TMEM161B: variants seen among roughly 807,000 people sequenced by gnomAD.
The protein encoded by TMEM161B is transmembrane protein 161B.
In TMEM161B, 34 loss-of-function variants were observed where a neutral mutation model predicts 61.8. The observed-to-expected ratio is 0.55, with a 90% CI of 0.42 to 0.73. The LOEUF (loss-of-function observed/expected upper bound fraction) is 0.73, where lower values mean the gene tolerates loss of function less well. Among genes scored for constraint, TMEM161B ranks in the 30% least tolerant of loss-of-function variants. TMEM161B has a pLI of 0.00. For synonymous variants in TMEM161B, 167 were observed against 192.8 expected (o/e 0.87, Z 1.11); for missense variants, 456 against 558.5 (o/e 0.82, Z 1.85).
At chr5:88,199,195 T>C (rs778022610) in intron 9 of TMEM161B, 45 bp from the exon 10 acceptor site, 7 of 1,541,068 alleles carry the variant, frequency 4.5e-6, no homozygotes, top group Non-Finnish European at 5.3e-6. Context: ...GACAACAATA[T>C]GCTAGCATGC....
At chr5:88,186,643 A>G (rs1366267970), downstream of TMEM161B, among the ~76,000 whole-genome samples, 1 of 151,968 alleles carries the variant, frequency 6.6e-6, no homozygotes, top group Non-Finnish European at 1.5e-5. Context: ...AAACCATTTT[A>G]TGGGGGCCAA....
downstream of TMEM161B, among the ~76,000 whole-genome samples, chr5:88,191,633 A>G (rs1423625722): frequency 3.9e-5 from 6 of 152,114 alleles, no homozygotes; most frequent in Admixed American, 1.3e-4. Context: ...TGTTTTTCTC[A>G]TAACACAGAG....
intron 1 of TMEM161B, among the ~76,000 whole-genome samples, chr5:88,264,238 C>A (rs1168667565): frequency 6.6e-6 from 1 of 151,058 alleles, no homozygotes; most frequent in East Asian, 1.9e-4. Context: ...AACAAATTTA[C>A]AAGAAAAAAA....
At chr5:88,188,727 C>T (rs566884376), downstream of TMEM161B, among the ~76,000 whole-genome samples, 4 of 152,198 alleles carry the variant, frequency 2.6e-5, no homozygotes, top group African/African-American at 9.6e-5. Flanking sequence ...AAGAGCTGAG[C>T]TCCCCGAAGA....
intron 4 of TMEM161B, among the ~76,000 whole-genome samples, chr5:88,223,833 G>A (rs970842453): frequency 1.3e-5 from 2 of 151,936 alleles, no homozygotes; most frequent in East Asian, 1.9e-4. Context: ...AGCTTGCAGT[G>A]AGCCAAGATA....
At chr5:88,192,722 A>G (rs1351370736), downstream of TMEM161B, among the ~76,000 whole-genome samples, 1 of 152,240 alleles carries the variant, frequency 6.6e-6, no homozygotes, top group Non-Finnish European at 1.5e-5. Flanking sequence ...ATCTGCATTT[A>G]AAAATCACTT....
chr5:88,189,127 C>A (rs951431152), downstream of TMEM161B, among the ~76,000 whole-genome samples: 4 of 152,166 alleles, frequency 2.6e-5, no homozygotes, highest in African/African-American at 9.7e-5. Flanking sequence ...GGTTATAGCA[C>A]ACATCAGTCT....
chr5:88,241,928 C>A (rs1050057467), intron 1 of TMEM161B, among the ~76,000 whole-genome samples: 10 of 151,688 alleles, frequency 6.6e-5, no homozygotes, highest in Admixed American at 1.3e-4. Flanking sequence ...TTTCTTAGAC[C>A]CCAGAAATAA....
intron 9 of TMEM161B, chr5:88,200,746 A>G (rs1444306703): frequency 6.6e-6 from 1 of 152,048 alleles, no homozygotes; most frequent in Non-Finnish European, 1.5e-5. Flanking sequence ...ACCACCTTAA[A>G]TTCCTGATGC....
At chr5:88,222,230 G>C (rs946206693) in intron 4 of TMEM161B, among the ~76,000 whole-genome samples, 4 of 151,972 alleles carry the variant, frequency 2.6e-5, no homozygotes, top group Non-Finnish European at 5.9e-5. Flanking sequence ...CACCACACTC[G>C]GGTAATTTTT....
downstream of TMEM161B, among the ~76,000 whole-genome samples, chr5:88,186,728 G>A (rs1015356067): frequency 4.0e-5 from 6 of 151,808 alleles, no homozygotes; most frequent in South Asian, 4.2e-4. Flanking sequence ...TCAGAAGTTC[G>A]AGACCAGCCT....
rs75038779 is a variant in TMEM161B, at chr5:88,214,593, A to G, written c.446+5970T>C. ...AGCAAAAATGATACACTTCATATCC[A>G]TAAAACCAGTACACACGCCTACAGC... On this transcript the variant is annotated intron_variant, in intron 5 of 11. Coordinates refer to ENST00000296595, the MANE Select transcript of TMEM161B (RefSeq NM_153354.5). 7.5e-3 allele frequency among the ~76,000 whole-genome samples: 1,146 copies of G among 152,266 alleles called. 12 individuals are homozygous for G. The highest frequency in any genetic ancestry group is 0.026 in the African/African-American group (1,074 of 41,546).
chr5:88,189,895 T>C (rs1441149217), exon 13 of TMEM161B: 1 of 597,132 alleles, frequency 1.7e-6, no homozygotes, highest in Admixed American at 2.9e-5. Flanking sequence ...GTCTGATTCA[T>C]CCGCTCCACC....
chr5:88,234,151 T>C (rs965693820), intron 2 of TMEM161B, among the ~76,000 whole-genome samples: 1 of 151,900 alleles, frequency 6.6e-6, no homozygotes, highest in Non-Finnish European at 1.5e-5. Flanking sequence ...AAAAAAAAAG[T>C]GTGTGTGGTA....
intron 8 of TMEM161B, among the ~76,000 whole-genome samples, chr5:88,203,787 A>G (rs1744898216): frequency 5.2e-5 from 1 of 19,310 alleles, no homozygotes; most frequent in Non-Finnish European, 1.7e-4. Flanking sequence ...ATATATATAT[A>G]TATATATATA....
In TMEM161B at chr5:88,220,736, A is replaced by G; in HGVS notation, c.290-17T>C. The G allele has an allele frequency of 6.6e-7, 1 of 1,511,592 alleles. No individual in the cohort carries two copies. Among genetic ancestry groups the G allele is most frequent in the Non-Finnish European group, 8.8e-7 (1 of 1,136,328 alleles). The allele number at this position is 1,511,592 out of a possible 1,614,324, so 93.6% of individuals were successfully genotyped here. A position where few individuals can be genotyped will look rare whatever the true frequency, so the allele number is the denominator to read the frequency against. On this transcript the variant is annotated splice_polypyrimidine_tract_variant and intron_variant, in intron 4 of 11. Coordinates refer to ENST00000296595, the MANE Select transcript of TMEM161B (RefSeq NM_153354.5). ...AATGCAATGCTGGAAAGAAAAAAAAAAAAAAAAAAAAAAAAGGTCAAAAAA... is the reference window on the plus strand; with the variant it reads ...AATGCAATGCTGGAAAGAAAAAAAAGAAAAAAAAAAAAAAAGGTCAAAAAA...
At chr5:88,188,205 A>G (rs1213813097), downstream of TMEM161B, among the ~76,000 whole-genome samples, 1 of 151,966 alleles carries the variant, frequency 6.6e-6, no homozygotes, top group African/African-American at 2.4e-5. Context: ...CCCAGGTTCA[A>G]GCGATTCTCC....
At chr5:88,217,456 C>T (rs1313255119) in intron 5 of TMEM161B, among the ~76,000 whole-genome samples, 1 of 151,472 alleles carries the variant, frequency 6.6e-6, no homozygotes, top group African/African-American at 2.4e-5. Context: ...AGAAATTTGA[C>T]TTTTTACTGC....
At chr5:88,205,790 T>C (rs1221006694) in intron 8 of TMEM161B, 24 bp downstream of exon 8, 1 of 1,609,362 alleles carries the variant, frequency 6.2e-7, no homozygotes, top group South Asian at 1.1e-5. Flanking sequence ...TATCTGCATG[T>C]GCTTATGTAC....
Sources: allele counts gnomAD v4.1 joint callset (sites outside exome capture counted in the v4.1 genomes callset), GRCh38; gene constraint gnomAD v4.1.1; transcripts MANE v1.5; gene names NCBI Gene and HGNC (gene_info 2026-07-23, HGNC 2026-07-21).